Variants in PEX14 observed in about 807,000 individuals in gnomAD.
The protein encoded by PEX14 is peroxisomal biogenesis factor 14, also known as peroxisomal membrane protein PEX14.
In PEX14, 15 loss-of-function variants were observed where a neutral mutation model predicts 49.5. That is an observed-to-expected ratio of 0.30 (90% CI 0.20 to 0.47). The LOEUF (loss-of-function observed/expected upper bound fraction) is 0.47, where lower values mean the gene tolerates loss of function less well. PEX14 is among the 20% of genes least tolerant of loss of function. The pLI, the probability that PEX14 is intolerant of heterozygous loss-of-function variation, is 1.00. For synonymous variants in PEX14, 210 were observed against 212.7 expected (o/e 0.99, Z 0.11); for missense variants, 398 against 494.8 (o/e 0.80, Z 1.86).
intron 2 of PEX14, among the ~76,000 whole-genome samples, chr1:10,498,825 C>T (rs80299953): frequency 0.014 from 2,206 of 152,328 alleles, 50 homozygotes; most frequent in African/African-American, 0.05. Flanking sequence ...TTTATACTCT[C>T]TTCACTGAGC....
At chr1:10,616,078 C>T (rs770074336) in intron 4 of PEX14, among the ~76,000 whole-genome samples, 9 of 152,144 alleles carry the variant, frequency 5.9e-5, no homozygotes, top group African/African-American at 9.7e-5. Context: ...CGGGGAGTCT[C>T]GCATGGAATC....
intron 3 of PEX14, among the ~76,000 whole-genome samples, chr1:10,568,535 A>T (rs989553150): frequency 2.0e-5 from 3 of 152,132 alleles, no homozygotes; most frequent in Admixed American, 6.6e-5. Context: ...TATTATTAAT[A>T]TGAATTCCAG....
Position 10,628,060 on chromosome 1 carries a change from C to T in PEX14, c.677+697C>T, listed in dbSNP as rs1421089843. 4.6e-5 allele frequency among the ~76,000 whole-genome samples: 7 copies of T among 152,130 alleles called. No homozygotes were observed. Among genetic ancestry groups the T allele is most frequent in the African/African-American group, 7.2e-5 (3 of 41,404 alleles). Reference sequence around the variant, plus strand: ...ACGCCATTCTCCTGCCTCAGCCTCCCGAGTAGCTGGGATTACAGGCGCCCG... The same window carrying T: ...ACGCCATTCTCCTGCCTCAGCCTCCTGAGTAGCTGGGATTACAGGCGCCCG... On this transcript the variant is annotated intron_variant, in intron 8 of 8. Transcript: ENST00000356607. This position sits in a 1 kb window ranked among gnomAD's most constrained non-coding sequence, Gnocchi z 4.5.
At chr1:10,558,476 T>C (rs1639558364) in intron 3 of PEX14, among the ~76,000 whole-genome samples, 1 of 151,972 alleles carries the variant, frequency 6.6e-6, no homozygotes, top group African/African-American at 2.4e-5. Context: ...GGCTCATGCC[T>C]GTAATCCCAG....
Position 10,580,138 on chromosome 1 carries a change from A to G in PEX14, c.170-19100A>G, listed in dbSNP as rs1280618699. On this transcript the variant is annotated intron_variant, in intron 3 of 8. Coordinates refer to ENST00000356607, the MANE Select transcript of PEX14 (RefSeq NM_004565.3). Reference sequence around the variant, plus strand: ...AAAGCAATAACAATAATGTAGTGTTAGATTTATAGTATACTCATATATTTA... The same window carrying G: ...AAAGCAATAACAATAATGTAGTGTTGGATTTATAGTATACTCATATATTTA... Among the ~76,000 whole-genome samples, 2 of 152,162 alleles carry G rather than the reference A, an allele frequency of 1.3e-5. 1 individual carries two copies. Among genetic ancestry groups the G allele is most frequent in the East Asian group, 3.9e-4 (2 of 5,176 alleles).
At position 10,529,696 on chromosome 1, in the gene PEX14, A is replaced by G. The variant is rs1369174061; in HGVS notation, c.85-6517A>G. 6.6e-6 allele frequency among the ~76,000 whole-genome samples: 1 copy of G among 152,252 alleles called. No homozygotes were observed. The highest frequency in any genetic ancestry group is 1.5e-5 in the Non-Finnish European group (1 of 68,042). On this transcript the variant is annotated intron_variant, in intron 2 of 8. Transcript: ENST00000356607. The surrounding 1 kb of genome is among the most constrained non-coding windows in gnomAD (Gnocchi z 4.2). ...AGTTTTAAGAGAGACTAGGGTCAATAATGCATGCTTTAGAATTCCCTAAAT... is the reference window on the plus strand; with the variant it reads ...AGTTTTAAGAGAGACTAGGGTCAATGATGCATGCTTTAGAATTCCCTAAAT...
At chr1:10,488,778 C>T (rs1641417841) in intron 1 of PEX14, among the ~76,000 whole-genome samples, 1 of 152,196 alleles carries the variant, frequency 6.6e-6, no homozygotes, top group African/African-American at 2.4e-5. Context: ...GCTGGGATTA[C>T]AGGCGTGAGC....
At chr1:10,588,397 A>G (rs999720270) in intron 3 of PEX14, among the ~76,000 whole-genome samples, 8 of 152,142 alleles carry the variant, frequency 5.3e-5, no homozygotes, top group Admixed American at 2.0e-4. Flanking sequence ...GGAGGATGTA[A>G]CAGGGTGGCA....
intron 2 of PEX14, among the ~76,000 whole-genome samples, chr1:10,510,563 G>A (rs979487719): frequency 6.6e-6 from 1 of 152,166 alleles, no homozygotes; most frequent in Non-Finnish European, 1.5e-5. Flanking sequence ...AGTAGGAAAG[G>A]AGTCCCTGTG....
intron 3 of PEX14, among the ~76,000 whole-genome samples, chr1:10,571,015 GTTTTTTTTTTTTTT>G (rs34811019): frequency 2.7e-5 from 2 of 74,544 alleles, no homozygotes; most frequent in Non-Finnish European, 5.4e-5. Context: ...CGCCTGGCTA[GTTTTTTTTTTTTTT>G]TTTTTTTTGT....
chr1:10,612,933 G>A (rs1192651203), intron 4 of PEX14, among the ~76,000 whole-genome samples: 4 of 152,212 alleles, frequency 2.6e-5, no homozygotes, highest in Admixed American at 1.3e-4. Flanking sequence ...GGCTGGCCCC[G>A]TTTCTACCAC....
chr1:10,475,152 G>T, intron 1 of PEX14, 150 bp downstream of exon 1: 1 of 725,794 alleles, frequency 1.4e-6, no homozygotes. Flanking sequence ...CCCTCCCCAG[G>T]TCCTCCCCAC....
chr1:10,576,458 A>C (rs2124559506), intron 3 of PEX14, among the ~76,000 whole-genome samples: 1 of 152,282 alleles, frequency 6.6e-6, no homozygotes, highest in South Asian at 2.1e-4. Context: ...TTGTCCATAA[A>C]CACTGAACCA....
At chr1:10,500,626 G>A (rs936968893) in intron 2 of PEX14, among the ~76,000 whole-genome samples, 10 of 152,162 alleles carry the variant, frequency 6.6e-5, no homozygotes, top group Admixed American at 6.5e-5. Flanking sequence ...CCAGGCTGGA[G>A]TGCAGTGGTG....
intron 2 of PEX14, among the ~76,000 whole-genome samples, chr1:10,508,095 A>T (rs1239393059): frequency 2.7e-5 from 4 of 148,570 alleles, no homozygotes; most frequent in Non-Finnish European, 5.9e-5. Flanking sequence ...CCCCAACCCC[A>T]CTCCCTCCCC....
intron 5 of PEX14, among the ~76,000 whole-genome samples, chr1:10,621,973 C>T (rs757980063): frequency 6.6e-6 from 1 of 152,170 alleles, no homozygotes; most frequent in African/African-American, 2.4e-5. Flanking sequence ...GCCAGGCTTG[C>T]ACTGCACTGC....
At chr1:10,483,831 C>G (rs954879692) in intron 1 of PEX14, among the ~76,000 whole-genome samples, 2 of 151,650 alleles carry the variant, frequency 1.3e-5, no homozygotes, top group South Asian at 2.1e-4. Flanking sequence ...CGTTCCCTTA[C>G]GCCCCTTCCC....
In PEX14 at chr1:10,623,145, G is replaced by T; in HGVS notation, c.487+24G>T. Reference sequence around the variant, plus strand: ...AGGTAAAGATTAATGACTCCATCAAGTCACCCCTCACAGCCTTCTCCAAGC... The same window carrying T: ...AGGTAAAGATTAATGACTCCATCAATTCACCCCTCACAGCCTTCTCCAAGC... On this transcript the variant is annotated intron_variant, in intron 6 of 8. Transcript: ENST00000356607. This position sits in a 1 kb window ranked among gnomAD's most constrained non-coding sequence, Gnocchi z 4.4. The T allele has an allele frequency of 6.6e-7, 1 of 1,522,746 alleles. No homozygotes were observed. The allele number at this position is 1,522,746 out of a possible 1,614,324, so 94.3% of individuals were successfully genotyped here.
chr1:10,580,304 A>G (rs1344170977), intron 3 of PEX14, among the ~76,000 whole-genome samples: 1 of 152,046 alleles, frequency 6.6e-6, no homozygotes, highest in Non-Finnish European at 1.5e-5. Flanking sequence ...AACTCACTGC[A>G]ACTTCTGCCT....
Sources: gnomAD v4.1 joint callset for allele counts (sites outside exome capture counted in the v4.1 genomes callset) on GRCh38, gnomAD v4.1.1 for gene constraint, Gnocchi (gnomAD v3.1) non-coding constraint, MANE v1.5 for transcripts, NCBI Gene and HGNC (gene_info 2026-07-23, HGNC 2026-07-21) for gene names.